The following PTPN12 variants were observed in gnomAD, a reference collection of about 807,000 sequenced individuals.
PTPN12 encodes protein tyrosine phosphatase non-receptor type 12.
Under a neutral mutation model 97.6 loss-of-function variants are expected in PTPN12, and 29 were observed. The observed-to-expected ratio is 0.30, with a 90% confidence interval of 0.22 to 0.41. The LOEUF (loss-of-function observed/expected upper bound fraction) is 0.41. Among genes scored for constraint, PTPN12 ranks in the 10% least tolerant of loss-of-function variants. The probability of loss-of-function intolerance (pLI) is 1.00; values close to 1 mark genes in which losing one functional copy is unlikely to be tolerated. For synonymous variants in PTPN12, 327 were observed against 300.4 expected, an observed-to-expected ratio of 1.09 and a Z score of -0.91; for missense variants, 819 against 926.0, an observed-to-expected ratio of 0.88 and a Z score of 1.50.
intron 6 of PTPN12, among the ~76,000 whole-genome samples, chr7:77,594,027 T>A (rs4729549): frequency 0.7 from 106,856 of 152,122 alleles, 38,512 homozygotes; most frequent in East Asian, 0.9. Context: ...GACAGGACTG[T>A]ATCTGTATTA....
chr7:77,603,768 T>C (rs1033417008), intron 8 of PTPN12, among the ~76,000 whole-genome samples: 3 of 152,184 alleles, frequency 2.0e-5, no homozygotes, highest in Admixed American at 1.3e-4. Flanking sequence ...TTTTAATGAG[T>C]ATTTTTTAAT....
chr7:77,568,741 C>G (rs897975710), intron 1 of PTPN12, among the ~76,000 whole-genome samples: 5 of 152,184 alleles, frequency 3.3e-5, no homozygotes, highest in Non-Finnish European at 7.4e-5. Flanking sequence ...CTCAACCACT[C>G]TTTGTACTAA....
chr7:77,607,607 G>A (rs979781111), intron 9 of PTPN12, among the ~76,000 whole-genome samples: 3 of 152,126 alleles, frequency 2.0e-5, no homozygotes, highest in African/African-American at 7.2e-5. Context: ...AAAAAATAAA[G>A]GTGGAGAAAA....
At chr7:77,623,020 A>G (rs1789000262) in intron 12 of PTPN12, among the ~76,000 whole-genome samples, 1 of 151,652 alleles carries the variant, frequency 6.6e-6, no homozygotes, top group African/African-American at 2.4e-5. Flanking sequence ...AGCAAAAAAA[A>G]AAAAGAAGAA....
chr7:77,554,856 T>G (rs948140660), intron 1 of PTPN12, among the ~76,000 whole-genome samples: 1 of 152,188 alleles, frequency 6.6e-6, no homozygotes, highest in Non-Finnish European at 1.5e-5. Context: ...AGTTTTTTTT[T>G]GTTTCTGTTT....
rs1273518022 is a variant in PTPN12 at position 77,556,012 on chromosome 7, C to CT, written c.100-15063dup. Among the ~76,000 whole-genome samples, 3 of 152,112 alleles carry CT rather than the reference C, an allele frequency of 2.0e-5. No individual in the cohort carries two copies. The East Asian group carries it at 5.8e-4, about 29-fold the overall frequency. On this transcript the variant is annotated intron_variant, in intron 1 of 17. Coordinates refer to ENST00000248594, the MANE Select transcript of PTPN12 (RefSeq NM_002835.4). ...CCCATCTATTCTGGCATACTGTCTA[C>CT]TTTATCTGTTAGAGTTCTTAGGATA...
At chr7:77,563,725 G>A (rs1444548828) in intron 1 of PTPN12, among the ~76,000 whole-genome samples, 1 of 152,076 alleles carries the variant, frequency 6.6e-6, no homozygotes, top group South Asian at 2.1e-4. Flanking sequence ...GCATAGCCAT[G>A]CATTTCTGAA....
Position 77,582,084 on chromosome 7 carries a change from C to CTTTTTTTTTTTTTTTT in PTPN12, c.285+594_285+609dup, listed in dbSNP as rs11341609. Among the ~76,000 whole-genome samples the CTTTTTTTTTTTTTTTT allele has an allele frequency of 3.0e-3, 160 of 52,870 alleles. 38 individuals are homozygous for CTTTTTTTTTTTTTTTT. The highest frequency in any genetic ancestry group is 3.7e-3 in the Non-Finnish European group (113 of 30,312). The allele number at this position is 52,870 out of a possible 152,430, so 34.7% of individuals were successfully genotyped here. A position where few individuals can be genotyped will look rare whatever the true frequency, so the allele number is the denominator to read the frequency against. On this transcript the variant is annotated intron_variant, in intron 3 of 17. Coordinates refer to ENST00000248594, the MANE Select transcript of PTPN12 (RefSeq NM_002835.4). ...CCCTTTGATGAAAAGCAGTCAAGTT[C>CTTTTTTTTTTTTTTTT]TTTTTTTTTTTTTTTTTTTTTTTTT...
At chr7:77,633,838 CACAG>C (rs1208100233) in intron 14 of PTPN12, among the ~76,000 whole-genome samples, 1 of 151,892 alleles carries the variant, frequency 6.6e-6, no homozygotes, top group African/African-American at 2.4e-5. Flanking sequence ...GCCTGGGCAA[CACAG>C]TGATACCTCC....
chr7:77,575,077 A>G (rs1053244909), intron 2 of PTPN12, among the ~76,000 whole-genome samples: 7 of 151,816 alleles, frequency 4.6e-5, no homozygotes, highest in Non-Finnish European at 8.8e-5. Flanking sequence ...CAGGTGATCC[A>G]CCCGCTTCAG....
chr7:77,596,110 A>T (rs575532766), intron 6 of PTPN12, among the ~76,000 whole-genome samples: 55 of 152,206 alleles, frequency 3.6e-4, no homozygotes, highest in Non-Finnish European at 6.0e-4. Context: ...TATTTACATG[A>T]TTCTGGGGGT....
Position 77,537,446 on chromosome 7 carries a change from G to A in PTPN12, c.-101G>A, listed in dbSNP as rs1444795470. 7.2e-7 allele frequency: 1 copy of A among 1,396,868 alleles called. No homozygotes were observed. The highest frequency in any genetic ancestry group is 9.4e-7 in the Non-Finnish European group (1 of 1,069,066). The allele number at this position is 1,396,868 out of a possible 1,614,324, so 86.5% of individuals were successfully genotyped here. On this transcript the variant is annotated 5_prime_UTR_variant, in exon 1 of 18. Coordinates refer to ENST00000248594, the MANE Select transcript of PTPN12 (RefSeq NM_002835.4). The stretch of plus-strand genomic sequence containing the variant: ...GGGGCTTGGCGGGGTCGGGAGGGAG[G>A]GACGTGCTGGGGGAACGAGCTGGGG...
intron 7 of PTPN12, 44 bp from the exon 8 acceptor site, chr7:77,600,620 T>A: frequency 6.6e-7 from 1 of 1,521,528 alleles, no homozygotes; most frequent in Non-Finnish European, 8.9e-7. Context: ...CTTTAAACTT[T>A]GCAAAGTATT....
At chr7:77,560,217 G>A (rs987455553) in intron 1 of PTPN12, among the ~76,000 whole-genome samples, 2 of 152,116 alleles carry the variant, frequency 1.3e-5, no homozygotes, top group Non-Finnish European at 2.9e-5. Flanking sequence ...TCATGAATAG[G>A]TCAGAACTTT....
In PTPN12 at chr7:77,600,601, G is replaced by A. The variant is rs1788160051; in HGVS notation, c.553-63G>A. The stretch of plus-strand genomic sequence containing the variant: ...TTCTTAGAAATGGCAGTTTAAATGA[G>A]CTGTGCAACTTTAAACTTTGCAAAG... On this transcript the variant is annotated intron_variant, in intron 7 of 17. Transcript: ENST00000248594. The A allele has an allele frequency of 3.6e-6, 5 of 1,376,454 alleles. No individual in the cohort carries two copies. The South Asian group carries it at 7.4e-5, about 20-fold the overall frequency. The allele number at this position is 1,376,454 out of a possible 1,614,324, so 85.3% of individuals were successfully genotyped here.
At chr7:77,623,395 T>C (rs1018893767) in intron 12 of PTPN12, among the ~76,000 whole-genome samples, 2 of 152,224 alleles carry the variant, frequency 1.3e-5, no homozygotes, top group African/African-American at 4.8e-5. Flanking sequence ...ATGGGGTTTG[T>C]TAATCAAGTA....
chr7:77,560,003 G>A (rs1353579302), intron 1 of PTPN12, among the ~76,000 whole-genome samples: 1 of 152,166 alleles, frequency 6.6e-6, no homozygotes, highest in East Asian at 1.9e-4. Context: ...ATTAGAGCAG[G>A]GATTTTGTCC....
At chr7:77,629,527 T>G (rs1414933949) in intron 13 of PTPN12, among the ~76,000 whole-genome samples, 1 of 152,030 alleles carries the variant, frequency 6.6e-6, no homozygotes, top group African/African-American at 2.4e-5. Context: ...AGTTTTATTG[T>G]TTTTTTGTTG....
At chr7:77,592,424 G>C (rs1787898419) in intron 6 of PTPN12, 168 bp downstream of exon 6, 2 of 492,348 alleles carry the variant, frequency 4.1e-6, no homozygotes, top group Non-Finnish European at 3.5e-6. Context: ...AAATTTGGAA[G>C]CTTTTGGGTT....
Sources: gnomAD v4.1 joint callset for allele counts (sites outside exome capture counted in the v4.1 genomes callset) on GRCh38, gnomAD v4.1.1 for gene constraint, MANE v1.5 for transcripts, NCBI Gene and HGNC (gene_info 2026-07-23, HGNC 2026-07-21) for gene names.